PPFIA2: variants seen among roughly 807,000 people sequenced by gnomAD.
PPFIA2 encodes the protein liprin-alpha-2.
Under a neutral mutation model 175.5 loss-of-function variants are expected in PPFIA2, and 46 were observed. The observed-to-expected ratio is 0.26, with a 90% CI of 0.21 to 0.34. PPFIA2 has a LOEUF of 0.34. PPFIA2 is among the 10% of genes least tolerant of loss of function. The pLI is 1.00. For missense variants in PPFIA2, 1,179 were observed against 1,506.1 expected, an observed-to-expected ratio of 0.78 and a Z score of 3.60; for synonymous variants, 568 against 511.4, an observed-to-expected ratio of 1.11 and a Z score of -1.49.
At chr12:81,288,902 G>A (rs1367292248) in intron 24 of PPFIA2, among the ~76,000 whole-genome samples, 1 of 151,592 alleles carries the variant, frequency 6.6e-6, no homozygotes, top group Non-Finnish European at 1.5e-5. Flanking sequence ...AATAAAGGTT[G>A]GGGCTTATGA....
intron 28 of PPFIA2, among the ~76,000 whole-genome samples, chr12:81,272,839 A>G (rs1366751580): frequency 6.6e-6 from 1 of 152,220 alleles, no homozygotes; most frequent in Non-Finnish European, 1.5e-5. Flanking sequence ...AGATAAATCA[A>G]TGCTAGATTT....
intron 22 of PPFIA2, among the ~76,000 whole-genome samples, chr12:81,313,655 A>G (rs9971949): frequency 0.95 from 145,195 of 152,060 alleles, 69,348 homozygotes; most frequent in East Asian, 0.98. Context: ...TTTTAAAATG[A>G]TTTTCTTGTC....
intron 4 of PPFIA2, among the ~76,000 whole-genome samples, chr12:81,641,084 A>G (rs1027813422): frequency 6.6e-6 from 1 of 152,082 alleles, no homozygotes; most frequent in African/African-American, 2.4e-5. Flanking sequence ...ATAACCTCAA[A>G]CGCTTTTCAT....
chr12:81,411,185 G>A (rs1397506054), intron 7 of PPFIA2, among the ~76,000 whole-genome samples: 1 of 152,066 alleles, frequency 6.6e-6, no homozygotes, highest in Admixed American at 6.6e-5. Flanking sequence ...GAAGATCACA[G>A]GCATTTTGTG....
intron 3 of PPFIA2, among the ~76,000 whole-genome samples, chr12:81,689,845 G>A (rs1308001144): frequency 2.6e-5 from 4 of 151,984 alleles, no homozygotes. Flanking sequence ...CACACCACCA[G>A]GTAAGAATTT....
At chr12:81,580,189 T>C (rs1283310363) in intron 4 of PPFIA2, among the ~76,000 whole-genome samples, 1 of 151,890 alleles carries the variant, frequency 6.6e-6, no homozygotes, top group East Asian at 1.9e-4. Flanking sequence ...CATTCGTGCA[T>C]GTCAAGCCTC....
At chr12:81,717,681 G>T (rs1252201560) in intron 3 of PPFIA2, among the ~76,000 whole-genome samples, 1 of 151,598 alleles carries the variant, frequency 6.6e-6, no homozygotes, top group Non-Finnish European at 1.5e-5. Flanking sequence ...GCACTGTCCT[G>T]GGTGCTAGGA....
chr12:81,377,071 TTAAA>T (rs1934167597), intron 9 of PPFIA2, among the ~76,000 whole-genome samples: 1 of 152,138 alleles, frequency 6.6e-6, no homozygotes, highest in East Asian at 1.9e-4. Context: ...TAAATTTTGT[TTAAA>T]TAAAGAGAGA....
intron 22 of PPFIA2, among the ~76,000 whole-genome samples, chr12:81,314,296 A>T (rs886343089): frequency 6.6e-6 from 1 of 151,916 alleles, no homozygotes; most frequent in Admixed American, 6.6e-5. Flanking sequence ...ATATTGATAC[A>T]TTCTTTTCTA....
chr12:81,328,782 C>A (rs2055401844), intron 21 of PPFIA2, among the ~76,000 whole-genome samples: 1 of 150,818 alleles, frequency 6.6e-6, no homozygotes, highest in South Asian at 2.1e-4. Context: ...AATAGAGAAA[C>A]TGCAGCTTGT....
intron 4 of PPFIA2, among the ~76,000 whole-genome samples, chr12:81,610,283 A>G (rs972704242): frequency 1.3e-5 from 2 of 151,970 alleles, no homozygotes; most frequent in Admixed American, 1.3e-4. Context: ...TTTCATGTCA[A>G]CCTCTCTAGT....
At chr12:81,635,920 T>TCA (rs3220848) in intron 4 of PPFIA2, among the ~76,000 whole-genome samples, 2,486 of 150,778 alleles carry the variant, frequency 0.016, 24 homozygotes, top group South Asian at 0.034. Context: ...TCTCTCTCTC[T>TCA]CACACACACA....
intron 4 of PPFIA2, among the ~76,000 whole-genome samples, chr12:81,519,908 G>T (rs574018215): frequency 6.6e-6 from 1 of 152,256 alleles, no homozygotes; most frequent in East Asian, 1.9e-4. Flanking sequence ...ATGTAATAAA[G>T]TTTAATTTGT....
intron 3 of PPFIA2, among the ~76,000 whole-genome samples, chr12:81,686,018 A>G (rs1464073252): frequency 6.6e-6 from 1 of 152,084 alleles, no homozygotes; most frequent in Non-Finnish European, 1.5e-5. Flanking sequence ...GCCAATAAGT[A>G]TTCAAACCAA....
intron 15 of PPFIA2, among the ~76,000 whole-genome samples, chr12:81,361,401 CA>C (rs1267104863): frequency 2.6e-5 from 4 of 151,522 alleles, no homozygotes. Context: ...AATTTCAGTT[CA>C]CATGTAAAAA....
intron 4 of PPFIA2, among the ~76,000 whole-genome samples, chr12:81,619,319 G>A (rs1882535): frequency 0.045 from 6,892 of 152,232 alleles, 307 homozygotes; most frequent in East Asian, 0.24. Context: ...CGTTAGATAT[G>A]TAACTTTTCA....
intron 3 of PPFIA2, among the ~76,000 whole-genome samples, chr12:81,697,951 T>A (rs1237054164): frequency 6.6e-6 from 1 of 152,174 alleles, no homozygotes; most frequent in Non-Finnish European, 1.5e-5. Context: ...GCAGTAATAC[T>A]ATAGCCAATG....
At chr12:81,479,141 T>G (rs1271539314) in intron 4 of PPFIA2, among the ~76,000 whole-genome samples, 1 of 152,222 alleles carries the variant, frequency 6.6e-6, no homozygotes, top group East Asian at 1.9e-4. Flanking sequence ...TTAGCTCTAC[T>G]TGTTGCATTG....
chr12:81,376,010 T>A, intron 9 of PPFIA2, 68 bp from the exon 10 acceptor site: 1 of 1,385,278 alleles, frequency 7.2e-7, no homozygotes, highest in Non-Finnish European at 1.0e-6. Context: ...TCTTGTTAGT[T>A]AAATAAAAAA....
Sources: allele counts gnomAD v4.1 joint callset (sites outside exome capture counted in the v4.1 genomes callset), GRCh38; gene constraint gnomAD v4.1.1; transcripts MANE v1.5; gene names NCBI Gene and HGNC (gene_info 2026-07-23, HGNC 2026-07-21).